The following SH3TC1 variants were observed in gnomAD, a reference collection of about 807,000 sequenced individuals.
SH3TC1 encodes the protein SH3 domain and tetratricopeptide repeat-containing protein 1.
SH3TC1 carries 135 observed loss-of-function variants against 117.3 expected under a neutral mutation model. The ratio of observed to expected loss-of-function variants is 1.15; its 90% CI spans 1.00 to 1.33. The LOEUF (loss-of-function observed/expected upper bound fraction) is 1.33, where lower values mean the gene tolerates loss of function less well. SH3TC1 is among the 40% of genes most tolerant of loss of function. SH3TC1 has a pLI of 0.00. For missense variants in SH3TC1, 2,092 were observed against 1,794.3 expected (o/e 1.17, Z -3.00); for synonymous variants, 898 against 816.9 (o/e 1.10, Z -1.69).
In SH3TC1 at chr4:8,227,628, G is replaced by A. The variant is rs1720626820; in HGVS notation, c.1934G>A (p.Gly645Glu). Reference sequence around the variant, plus strand: ...CACATCTGCAGCACCGAGGCGGAGGGGGAGCTCCTGCAGCTGGCGCTGCGG... The same window carrying A: ...CACATCTGCAGCACCGAGGCGGAGGAGGAGCTCCTGCAGCTGGCGCTGCGG... Reference protein sequence around the residue: ...PDHICSTEAEGELLQLALRRA... With the variant: ...PDHICSTEAEEELLQLALRRA... The change falls in exon 12 of 18, where the codon GGG becomes GAG. Residue 645 changes from glycine (G) to glutamate (E), a missense_variant. Coordinates refer to ENST00000245105, the MANE Select transcript of SH3TC1 (RefSeq NM_018986.5). 6.6e-7 allele frequency: 1 copy of A among 1,525,526 alleles called. No individual in the cohort carries two copies. The allele number at this position is 1,525,526 out of a possible 1,614,324, so 94.5% of individuals were successfully genotyped here.
In SH3TC1 at chr4:8,228,078, T is replaced by A; in HGVS notation, c.2384T>A (p.Leu795Gln). The A allele has an allele frequency of 6.2e-7, 1 of 1,607,302 alleles. No individual in the cohort carries two copies. Among genetic ancestry groups the A allele is most frequent in the Non-Finnish European group, 8.5e-7 (1 of 1,176,452 alleles). Residue 795 changes from leucine to glutamine, a missense_variant, in exon 12 of 18, where the codon CTG becomes CAG. By Grantham distance (113) the Leu-to-Gln change is moderately radical. Coordinates refer to ENST00000245105, the MANE Select transcript of SH3TC1 (RefSeq NM_018986.5). ...CCCCTCTACACCAGCTTGGCCCAGC[T>A]GTACAGCCACCATGGCTGCCACGGC... ...RGPLYTSLAQ[L>Q]YSHHGCHGPA... is the part of the protein sequence containing the mutation.
chr4:8,202,587 G>A (rs1247076195), intron 1 of SH3TC1, among the ~76,000 whole-genome samples: 2 of 152,230 alleles, frequency 1.3e-5, no homozygotes, highest in East Asian at 1.9e-4. Flanking sequence ...GCCACAAACT[G>A]ATCAATCAGA....
At chr4:8,229,531 G>T (rs1720930697) in intron 12 of SH3TC1, among the ~76,000 whole-genome samples, 1 of 146,274 alleles carries the variant, frequency 6.8e-6, no homozygotes, top group East Asian at 2.1e-4. Context: ...GGATGAGTGG[G>T]GTGTAAGTGG....
At chr4:8,191,307 C>T (rs989981168) in intron 1 of SH3TC1, among the ~76,000 whole-genome samples, 3 of 152,170 alleles carry the variant, frequency 2.0e-5, no homozygotes, top group Non-Finnish European at 4.4e-5. Flanking sequence ...CCGGCCAGTT[C>T]GGGGGTGGGT....
rs181156998 is a variant in SH3TC1, at chr4:8,209,105, G to C, written c.173-643G>C. ...GTCCTGGCTCCTACCTGCACAAGCTGTGAGGCTGAGCCCGTCTGTGGGCTC... is the reference window on the plus strand; with the variant it reads ...GTCCTGGCTCCTACCTGCACAAGCTCTGAGGCTGAGCCCGTCTGTGGGCTC... On this transcript the variant is annotated intron_variant, in intron 2 of 17. Transcript: ENST00000245105. This position sits in a 1 kb window ranked among gnomAD's most constrained non-coding sequence, Gnocchi z 5.9. 3.9e-4 allele frequency among the ~76,000 whole-genome samples: 60 copies of C among 152,334 alleles called. No homozygotes were observed. The highest frequency in any genetic ancestry group is 1.4e-3 in the African/African-American group (59 of 41,580).
At chr4:8,220,244 T>C (rs1191852143) in intron 9 of SH3TC1, among the ~76,000 whole-genome samples, 1 of 151,820 alleles carries the variant, frequency 6.6e-6, no homozygotes, top group African/African-American at 2.4e-5. Context: ...GGGCCCGACC[T>C]TGCAGGCCCC....
intron 13 of SH3TC1, chr4:8,232,636 T>C: frequency 7.7e-7 from 1 of 1,306,334 alleles, no homozygotes; most frequent in East Asian, 5.2e-5. Context: ...ATCCCACATG[T>C]GGCCCACTTG....
intron 17 of SH3TC1, among the ~76,000 whole-genome samples, chr4:8,239,258 C>CGG (rs376093855): frequency 6.7e-4 from 98 of 147,238 alleles, no homozygotes; most frequent in African/African-American, 2.4e-3. Flanking sequence ...GACACACACA[C>CGG]ACACACAGAG....
At chr4:8,222,360 GGTTTTTT>G (rs1720003150) in intron 9 of SH3TC1, among the ~76,000 whole-genome samples, 1 of 105,744 alleles carries the variant, frequency 9.5e-6, no homozygotes, top group East Asian at 3.2e-4. Flanking sequence ...GTCAGGATCT[GGTTTTTT>G]TTTTTTTTTT....
rs774231466 is a variant in SH3TC1, at chr4:8,237,588, C to T, written c.3671C>T (p.Ser1224Leu). ...FYLKALSLCN[S>L]PLEFDEETLY... The stretch of plus-strand genomic sequence containing the variant: ...CTCAAGGCCCTGTCGCTCTGCAACT[C>T]GCCGCTGGAGTTTGACGAGGAGACC... Residue 1224 changes from serine (S) to leucine (L), a missense_variant, in exon 17 of 18, where the codon TCG becomes TTG. Coordinates refer to ENST00000245105, the MANE Select transcript of SH3TC1 (RefSeq NM_018986.5). 3.6e-5 allele frequency: 58 copies of T among 1,612,376 alleles called. 1 individual carries two copies. The highest frequency in any genetic ancestry group is 1.6e-4 in the Middle Eastern group (1 of 6,072).
rs111255482 is a variant in SH3TC1 at position 8,225,497 on chromosome 4, T to C, written c.1285+281T>C. Among the ~76,000 whole-genome samples, 1 of 152,280 alleles carries C rather than the reference T, an allele frequency of 6.6e-6. No homozygotes were observed. Among genetic ancestry groups the C allele is most frequent in the South Asian group, 2.1e-4 (1 of 4,820 alleles). On this transcript the variant is annotated intron_variant, in intron 11 of 17. Coordinates refer to ENST00000245105, the MANE Select transcript of SH3TC1 (RefSeq NM_018986.5). This position sits in a 1 kb window ranked among gnomAD's most constrained non-coding sequence, Gnocchi z 5.5. ...CATCCTTTCCACTGCTTGGGTCCAC[T>C]TGTAGCTGTGGGTTCCTTTCTCATG...
rs761757036 is a variant in SH3TC1 at position 8,233,394 on chromosome 4, C to T, written c.3163C>T (p.Arg1055Ter). The change falls in exon 14 of 18, where the codon CGA becomes TGA. Residue 1055 changes from arginine (R) to a stop codon, truncating the protein, a stop_gained. Transcript: ENST00000245105. LOFTEE classifies it high-confidence loss of function. ...CAAATCCGCACTGGACTACACCAAACGAAGTCTGGGGATTTTCATTGACCT... is the reference window on the plus strand; with the variant it reads ...CAAATCCGCACTGGACTACACCAAATGAAGTCTGGGGATTTTCATTGACCT... Reference protein sequence around the residue: ...AYKSALDYTKRSLGIFIDLQK... With the variant: ...AYKSALDYTK 60 of 1,613,464 alleles carry T rather than the reference C, an allele frequency of 3.7e-5. No homozygotes were observed. The highest frequency in any genetic ancestry group is 3.5e-4 in the South Asian group (32 of 90,914).
rs1177495966 is a variant in SH3TC1 at position 8,205,436 on chromosome 4, T to C, written c.172+70T>C. The C allele has an allele frequency of 7.4e-5, 94 of 1,268,460 alleles. No individual in the cohort carries two copies. The highest frequency in any genetic ancestry group is 9.0e-5 in the African/African-American group (5 of 55,554). 78.6% of individuals were successfully genotyped at this position (1,268,460 alleles called of 1,614,324 possible). ...TTCTCCACCCCACCCGCCCCGTCCA[T>C]CCATCCCTCACCACCCTGCCTGCCT... On this transcript the variant is annotated intron_variant, in intron 2 of 17. Transcript: ENST00000245105. This position sits in a 1 kb window ranked among gnomAD's most constrained non-coding sequence, Gnocchi z 5.4.
At chr4:8,228,812 G>C (rs1339498404) in intron 12 of SH3TC1, among the ~76,000 whole-genome samples, 168 bp downstream of exon 12, 1 of 152,266 alleles carries the variant, frequency 6.6e-6, no homozygotes, top group East Asian at 1.9e-4. Context: ...TTCCCACGCA[G>C]GGCCAGGCCC....
chr4:8,217,140 C>T lies in SH3TC1; in HGVS notation c.812C>T (p.Ala271Val), dbSNP rs765864059. The stretch of plus-strand genomic sequence containing the variant: ...TCCGAGGAGGTGGCAGTGGCGGCCG[C>T]CCCGGAGCCTTTGATTCCATTTCAT... ...VSSEEVAVAA[A>V]PEPLIPFHQW... Residue 271 changes from alanine to valine, a missense_variant, in exon 7 of 18, where the codon GCC becomes GTC. Coordinates refer to ENST00000245105, the MANE Select transcript of SH3TC1 (RefSeq NM_018986.5). The T allele has an allele frequency of 1.9e-6, 3 of 1,611,764 alleles. No homozygotes were observed. In the Admixed American group the frequency reaches 5.0e-5, roughly 27 times the overall value.
chr4:8,219,019 G>A (rs1719624781), intron 8 of SH3TC1, among the ~76,000 whole-genome samples: 1 of 151,964 alleles, frequency 6.6e-6, no homozygotes, highest in Non-Finnish European at 1.5e-5. Flanking sequence ...CGGGTGGGGA[G>A]TAGGTGGGGC....
intron 6 of SH3TC1, 121 bp downstream of exon 6, chr4:8,216,378 G>A: frequency 1.4e-6 from 2 of 1,404,526 alleles, no homozygotes; most frequent in Non-Finnish European, 1.9e-6. Flanking sequence ...CGGAGCCTCT[G>A]GAGGCTGAGG....
At chr4:8,215,644 G>A (rs1719183482) in intron 5 of SH3TC1, among the ~76,000 whole-genome samples, 3 of 152,184 alleles carry the variant, frequency 2.0e-5, no homozygotes, top group Admixed American at 2.0e-4. Flanking sequence ...GTGAACGAAG[G>A]CTCACTGCCC....
Position 8,190,831 on chromosome 4 carries a change from C to T in SH3TC1, c.-57+8621C>T, listed in dbSNP as rs1375865395. ...AATTTTTTTGTATTTTTTGTAGAGA[C>T]GGGTTTCACCATGTTGCCCAGGCTG... On this transcript the variant is annotated intron_variant, in intron 1 of 16. Transcript: ENST00000508641. The surrounding 1 kb of genome is among the most constrained non-coding windows in gnomAD (Gnocchi z 4.7). Among the ~76,000 whole-genome samples, 2 of 151,998 alleles carry T rather than the reference C, an allele frequency of 1.3e-5. No homozygotes were observed. The highest frequency in any genetic ancestry group is 2.4e-5 in the African/African-American group (1 of 41,382).
Sources: gnomAD v4.1 joint callset for allele counts (sites outside exome capture counted in the v4.1 genomes callset) on GRCh38, gnomAD v4.1.1 for gene constraint, Gnocchi (gnomAD v3.1) non-coding constraint, MANE v1.5 for transcripts, NCBI Gene and HGNC (gene_info 2026-07-23, HGNC 2026-07-21) for gene names.